Variants in HPCAL1 observed in about 807,000 individuals in gnomAD.
The protein encoded by HPCAL1 is hippocalcin-like protein 1.
Under a neutral mutation model 17.1 loss-of-function variants are expected in HPCAL1, and 8 were observed. The ratio of observed to expected loss-of-function variants is 0.47; its 90% CI spans 0.27 to 0.84. HPCAL1 has a LOEUF of 0.84. HPCAL1 is among the 40% of genes least tolerant of loss of function. The pLI, the probability that HPCAL1 is intolerant of heterozygous loss-of-function variation, is 0.13. For missense variants in HPCAL1, 165 were observed against 271.1 expected (o/e 0.61, Z 2.75); for synonymous variants, 112 against 111.4 (o/e 1.01, Z -0.03).
chr2:10,424,370 A>G (rs1671267885), intron 4 of HPCAL1: 1 of 405,954 alleles, frequency 2.5e-6, no homozygotes, highest in South Asian at 1.8e-5. Context: ...CCAGCCTAGC[A>G]GGGCACCTGC....
chr2:10,312,898 TCATCATCATCACTGTCACCAC>T (rs2125387367), intron 1 of HPCAL1, among the ~76,000 whole-genome samples: 1 of 152,138 alleles, frequency 6.6e-6, no homozygotes, highest in East Asian at 1.9e-4. Context: ...ACTATCATCG[TCATCATCATCACTGTCACCAC>T]CATCACCATC....
At chr2:10,374,271 A>T (rs1011651920) in intron 1 of HPCAL1, among the ~76,000 whole-genome samples, 2 of 150,726 alleles carry the variant, frequency 1.3e-5, no homozygotes, top group Non-Finnish European at 2.9e-5. Context: ...TATAAGAGTG[A>T]TGTAAGAACA....
chr2:10,399,233 C>CTGCCGCT (rs765808869), intron 2 of HPCAL1, among the ~76,000 whole-genome samples: 1 of 66,378 alleles, frequency 1.5e-5, no homozygotes, highest in Non-Finnish European at 3.0e-5. Flanking sequence ...CCACCACCAC[C>CTGCCGCT]ACCACCATCA....
At chr2:10,406,622 T>A (rs1478225186) in intron 2 of HPCAL1, among the ~76,000 whole-genome samples, 1 of 152,182 alleles carries the variant, frequency 6.6e-6, no homozygotes, top group Non-Finnish European at 1.5e-5. Context: ...GCAGAGGAAG[T>A]CCCAGGCTCT....
intron 1 of HPCAL1, chr2:10,369,213 G>C (rs948504326): frequency 6.6e-6 from 1 of 152,238 alleles, no homozygotes; most frequent in Non-Finnish European, 1.5e-5. Flanking sequence ...ACTGAGTCCT[G>C]CCATGTGAGT....
intron 1 of HPCAL1, among the ~76,000 whole-genome samples, chr2:10,336,569 G>A (rs1309379466): frequency 1.3e-5 from 2 of 152,182 alleles, no homozygotes; most frequent in Non-Finnish European, 2.9e-5. Context: ...AAATCTTAGT[G>A]GTTTGCAGCA....
chr2:10,345,020 CCTCT>C (rs572876392), intron 1 of HPCAL1, among the ~76,000 whole-genome samples: 20 of 144,568 alleles, frequency 1.4e-4, no homozygotes, highest in African/African-American at 3.1e-4. Context: ...TCTCTTTCTG[CCTCT>C]CTCTATGTGT....
At chr2:10,347,709 G>A (rs1021610728) in intron 1 of HPCAL1, among the ~76,000 whole-genome samples, 2 of 152,180 alleles carry the variant, frequency 1.3e-5, no homozygotes, top group African/African-American at 2.4e-5. Context: ...GCGGGGCGGG[G>A]TTGGGCATTT....
chr2:10,386,448 T>C (rs530206714), intron 1 of HPCAL1, among the ~76,000 whole-genome samples: 1 of 152,228 alleles, frequency 6.6e-6, no homozygotes, highest in East Asian at 1.9e-4. Context: ...AGAGTCCCCC[T>C]GGCTGCAGAT....
At chr2:10,379,531 G>A (rs577336562) in intron 1 of HPCAL1, among the ~76,000 whole-genome samples, 6 of 152,140 alleles carry the variant, frequency 3.9e-5, no homozygotes, top group South Asian at 4.2e-4. Context: ...AGATAGCTGC[G>A]CAGATGGTCC....
chr2:10,319,585 G>T (rs977630119), intron 1 of HPCAL1, among the ~76,000 whole-genome samples: 5 of 149,576 alleles, frequency 3.3e-5, no homozygotes, highest in Non-Finnish European at 5.9e-5. Context: ...GGGTGGGGTG[G>T]GGTGGGGTGG....
intron 2 of HPCAL1, among the ~76,000 whole-genome samples, chr2:10,401,908 G>T (rs1333811699): frequency 2.6e-5 from 4 of 152,164 alleles, no homozygotes; most frequent in African/African-American, 9.7e-5. Flanking sequence ...TGTTGTTGTT[G>T]TTTTTGTTTT....
intron 3 of HPCAL1, among the ~76,000 whole-genome samples, chr2:10,421,491 G>A (rs372080253): frequency 2.0e-5 from 3 of 152,030 alleles, no homozygotes; most frequent in Admixed American, 6.6e-5. Context: ...GCGTGAGCCC[G>A]GGAGTTTGAG....
intron 2 of HPCAL1, among the ~76,000 whole-genome samples, chr2:10,398,316 A>T (rs1283787708): frequency 6.6e-6 from 1 of 152,252 alleles, no homozygotes; most frequent in Non-Finnish European, 1.5e-5. Flanking sequence ...CCTCATACAA[A>T]GTCGCTTTCC....
At chr2:10,360,125 C>T (rs889964630) in intron 1 of HPCAL1, among the ~76,000 whole-genome samples, 3 of 152,232 alleles carry the variant, frequency 2.0e-5, no homozygotes, top group Non-Finnish European at 2.9e-5. Flanking sequence ...CTCATTCCCC[C>T]TGGGTAGAGC....
At chr2:10,370,121 A>G (rs1221544722) in intron 1 of HPCAL1, among the ~76,000 whole-genome samples, 1 of 152,226 alleles carries the variant, frequency 6.6e-6, no homozygotes, top group Non-Finnish European at 1.5e-5. Context: ...CCCATTGGGC[A>G]TGCCTGGCTA....
In HPCAL1 at chr2:10,354,011, T is replaced by C. The variant is rs963284999; in HGVS notation, c.-110-42824T>C. 7.2e-5 allele frequency among the ~76,000 whole-genome samples: 11 copies of C among 152,230 alleles called. No individual in the cohort carries two copies. Among genetic ancestry groups the C allele is most frequent in the Admixed American group, 2.6e-4 (4 of 15,282 alleles). On this transcript the variant is annotated intron_variant, in intron 1 of 4. Transcript: ENST00000307845. The surrounding 1 kb of genome is among the most constrained non-coding windows in gnomAD (Gnocchi z 5.1). Reference sequence around the variant, plus strand: ...GTTGAGGGACTATTTTAATGGTAAGTACCCATATTTAGATCTTTTTTACTG... The same window carrying C: ...GTTGAGGGACTATTTTAATGGTAAGCACCCATATTTAGATCTTTTTTACTG...
intron 2 of HPCAL1, among the ~76,000 whole-genome samples, chr2:10,407,876 C>T (rs1448344459): frequency 6.6e-6 from 1 of 152,174 alleles, no homozygotes; most frequent in Admixed American, 6.5e-5. Flanking sequence ...AGAAGTGACG[C>T]GTTCAAAGCT....
At chr2:10,337,154 C>G (rs909948405) in intron 1 of HPCAL1, among the ~76,000 whole-genome samples, 1 of 152,172 alleles carries the variant, frequency 6.6e-6, no homozygotes, top group Admixed American at 6.5e-5. Flanking sequence ...ACCCTGGGGC[C>G]CAACCAGTGT....
Sources: gnomAD v4.1 joint callset for allele counts (sites outside exome capture counted in the v4.1 genomes callset) on GRCh38, gnomAD v4.1.1 for gene constraint, Gnocchi (gnomAD v3.1) non-coding constraint, MANE v1.5 for transcripts, NCBI Gene and HGNC (gene_info 2026-07-23, HGNC 2026-07-21) for gene names.